RELN: variants seen among roughly 807,000 people sequenced by gnomAD.
RELN encodes reelin.
Under a neutral mutation model 427.6 loss-of-function variants are expected in RELN, and 108 were observed. That is an observed-to-expected ratio of 0.25 (90% CI 0.22 to 0.30). The LOEUF is 0.30. Ranked by LOEUF, RELN falls within the 10% of genes least tolerant of loss-of-function variation. RELN has a pLI of 1.00. For synonymous variants in RELN, 1,524 were observed against 1,513.4 expected, an observed-to-expected ratio of 1.01 and a Z score of -0.16; for missense variants, 3,715 against 4,302.8, an observed-to-expected ratio of 0.86 and a Z score of 3.82.
At chr7:103,617,514 GTGTGTATATATATGCATATA>G (rs1421370576) in intron 20 of RELN, among the ~76,000 whole-genome samples, 2 of 150,466 alleles carry the variant, frequency 1.3e-5, no homozygotes, top group Admixed American at 6.6e-5. Flanking sequence ...ATATATGTGT[GTGTGTATATATATGCATATA>G]TGTGTATATA....
chr7:103,520,346 G>A (rs933842496), intron 48 of RELN, among the ~76,000 whole-genome samples: 1 of 151,992 alleles, frequency 6.6e-6, no homozygotes, highest in Admixed American at 6.6e-5. Flanking sequence ...TGCAGTCTCG[G>A]CTCACTGCAA....
At chr7:103,525,729 G>T in intron 46 of RELN, among the ~76,000 whole-genome samples, 1 of 151,038 alleles carries the variant, frequency 6.6e-6, no homozygotes. Flanking sequence ...GCTTCTGAAG[G>T]GCAGAGAATA....
intron 3 of RELN, among the ~76,000 whole-genome samples, chr7:103,817,144 G>A (rs574256423): frequency 5.9e-5 from 9 of 151,850 alleles, no homozygotes; most frequent in African/African-American, 1.4e-4. Context: ...GACCCACCAC[G>A]CTCAGCCCCT....
chr7:103,516,512 T>C (rs1829570500), intron 49 of RELN, among the ~76,000 whole-genome samples: 1 of 152,112 alleles, frequency 6.6e-6, no homozygotes, highest in Non-Finnish European at 1.5e-5. Flanking sequence ...GGTTTCGAAC[T>C]CCTGACCTCG....
intron 11 of RELN, among the ~76,000 whole-genome samples, chr7:103,677,405 T>TATAATAATAATAATA (rs370333905): frequency 7.4e-6 from 1 of 134,438 alleles, no homozygotes; most frequent in African/African-American, 2.8e-5. Flanking sequence ...GAACTTAAAG[T>TATAATAATAATAATA]ATAATAATAA....
intron 2 of RELN, among the ~76,000 whole-genome samples, chr7:103,842,481 T>C (rs898292043): frequency 6.6e-6 from 1 of 152,190 alleles, no homozygotes; most frequent in African/African-American, 2.4e-5. Flanking sequence ...AAACATGATT[T>C]CATATGCTGA....
In RELN at chr7:103,830,442, T is replaced by C. The variant is rs543445249; in HGVS notation, c.473+3095A>G. 1.2e-3 allele frequency among the ~76,000 whole-genome samples: 178 copies of C among 152,084 alleles called. 1 individual carries two copies. The highest frequency in any genetic ancestry group is 4.2e-3 in the African/African-American group (175 of 41,536). ...TTTCTAAGAAATAATCTTTCTTACC[T>C]TAAAAAGTAAAAGCCTTACTTTTTG... On this transcript the variant is annotated intron_variant, in intron 3 of 64. Transcript: ENST00000428762.
intron 2 of RELN, among the ~76,000 whole-genome samples, chr7:103,902,448 C>A (rs1012144820): frequency 7.9e-5 from 12 of 152,130 alleles, no homozygotes; most frequent in African/African-American, 2.9e-4. Context: ...TGGAGAGGAA[C>A]TTTTCTGAAA....
intron 2 of RELN, among the ~76,000 whole-genome samples, chr7:103,913,517 T>G (rs1037780708): frequency 6.6e-6 from 1 of 152,132 alleles, no homozygotes; most frequent in Admixed American, 6.6e-5. Flanking sequence ...AAGTGCCACA[T>G]TACTTTAGCC....
At chr7:103,856,077 G>A (rs961789793) in intron 2 of RELN, among the ~76,000 whole-genome samples, 7 of 152,096 alleles carry the variant, frequency 4.6e-5, no homozygotes, top group African/African-American at 1.2e-4. Flanking sequence ...AAGCATGAAC[G>A]GTGTTCTGTG....
At chr7:103,917,598 T>A (rs1003553493) in intron 1 of RELN, among the ~76,000 whole-genome samples, 2 of 150,778 alleles carry the variant, frequency 1.3e-5, no homozygotes, top group African/African-American at 4.9e-5. Flanking sequence ...CAACTATACA[T>A]CAGCTGAAAG....
intron 6 of RELN, among the ~76,000 whole-genome samples, chr7:103,733,850 T>C (rs1488942516): frequency 6.6e-6 from 1 of 150,774 alleles, no homozygotes; most frequent in African/African-American, 2.4e-5. Context: ...AGATGACGAG[T>C]TAGTGGGTGC....
At chr7:103,734,479 C>G (rs1790441647) in intron 6 of RELN, among the ~76,000 whole-genome samples, 1 of 152,072 alleles carries the variant, frequency 6.6e-6, no homozygotes, top group African/African-American at 2.4e-5. Flanking sequence ...TATATTTTGC[C>G]ATGAACAATA....
intron 2 of RELN, among the ~76,000 whole-genome samples, chr7:103,910,956 G>T: frequency 7.2e-6 from 1 of 139,590 alleles, no homozygotes. Flanking sequence ...AGGACTTCAT[G>T]TCCAAAACAC....
intron 8 of RELN, among the ~76,000 whole-genome samples, chr7:103,703,144 G>A (rs1203401457): frequency 1.3e-5 from 2 of 152,122 alleles, no homozygotes; most frequent in Admixed American, 6.5e-5. Context: ...AGGAACTGAG[G>A]TGGAAGGTAC....
At chr7:103,664,670 G>T (rs1049132864) in intron 11 of RELN, among the ~76,000 whole-genome samples, 43 of 152,134 alleles carry the variant, frequency 2.8e-4, no homozygotes, top group Middle Eastern at 3.4e-3. Context: ...TTAAAATTTG[G>T]CCTATTAGAT....
At chr7:103,941,415 C>T (rs1185901797) in intron 1 of RELN, among the ~76,000 whole-genome samples, 1 of 152,130 alleles carries the variant, frequency 6.6e-6, no homozygotes, top group Non-Finnish European at 1.5e-5. Flanking sequence ...CTGGCTTTCT[C>T]CCCATTCAGT....
intron 6 of RELN, among the ~76,000 whole-genome samples, chr7:103,745,522 G>A (rs370890757): frequency 8.7e-5 from 13 of 149,044 alleles, no homozygotes; most frequent in South Asian, 4.2e-4. Flanking sequence ...AAACCCCATC[G>A]TCTCAGCCCA....
At chr7:103,622,540 A>G (rs1276133885) in intron 20 of RELN, among the ~76,000 whole-genome samples, 1 of 152,220 alleles carries the variant, frequency 6.6e-6, no homozygotes, top group Non-Finnish European at 1.5e-5. Flanking sequence ...GTAACACTAG[A>G]GTAAAATCCA....
Sources: allele counts gnomAD v4.1 joint callset (sites outside exome capture counted in the v4.1 genomes callset), GRCh38; gene constraint gnomAD v4.1.1; transcripts MANE v1.5; gene names NCBI Gene and HGNC (gene_info 2026-07-23, HGNC 2026-07-21).